The following LSR variants were observed in gnomAD, a reference collection of about 807,000 sequenced individuals.
LSR encodes lipolysis-stimulated lipoprotein receptor.
LSR carries 44 observed loss-of-function variants against 61.8 expected under a neutral mutation model. That is an observed-to-expected ratio of 0.71 (90% CI 0.56 to 0.91). The LOEUF (loss-of-function observed/expected upper bound fraction) is 0.91. Ranked by LOEUF, LSR falls within the 40% of genes least tolerant of loss-of-function variation. The pLI, the probability that LSR is intolerant of heterozygous loss-of-function variation, is 0.00. For missense variants in LSR, 911 were observed against 830.5 expected (o/e 1.10, Z -1.19); for synonymous variants, 397 against 350.6 (o/e 1.13, Z -1.48).
At chr19:35,261,654 A>T (rs1264847046) in intron 3 of LSR, among the ~76,000 whole-genome samples, 1 of 152,212 alleles carries the variant, frequency 6.6e-6, no homozygotes, top group Non-Finnish European at 1.5e-5. Flanking sequence ...AGGGTGCCCA[A>T]GCTGAGGTAG....
At chr19:35,249,338 G>T in intron 1 of LSR, 1 of 584,644 alleles carries the variant, frequency 1.7e-6, no homozygotes, top group South Asian at 2.5e-5. Flanking sequence ...CCCTTATCTG[G>T]AAGATAGCAG....
chr19:35,249,702 T>C (rs1235871343), intron 1 of LSR, among the ~76,000 whole-genome samples: 2 of 152,142 alleles, frequency 1.3e-5, no homozygotes, highest in Non-Finnish European at 2.9e-5. Context: ...GCTGGCAGGC[T>C]TTCACCTGGA....
intron 2 of LSR, among the ~76,000 whole-genome samples, chr19:35,256,634 G>A (rs1421388584): frequency 6.6e-6 from 1 of 152,178 alleles, no homozygotes; most frequent in African/African-American, 2.4e-5. Flanking sequence ...AACTGTTGCT[G>A]TGGTATCCCA....
chr19:35,263,357 CA>C (rs919784131), intron 5 of LSR, among the ~76,000 whole-genome samples: 4 of 151,708 alleles, frequency 2.6e-5, no homozygotes, highest in Non-Finnish European at 4.4e-5. Flanking sequence ...ATGATTTAAG[CA>C]AAAAAAATTT....
At chr19:35,265,502 T>C (rs1280432052) in intron 5 of LSR, among the ~76,000 whole-genome samples, 7 of 152,220 alleles carry the variant, frequency 4.6e-5, no homozygotes, top group African/African-American at 1.7e-4. Flanking sequence ...GTGCACTTAG[T>C]CTTCTGCTTC....
intron 2 of LSR, among the ~76,000 whole-genome samples, chr19:35,255,298 C>T (rs1053123743): frequency 1.3e-5 from 2 of 152,118 alleles, no homozygotes; most frequent in African/African-American, 2.4e-5. Context: ...CCAGCCTGGG[C>T]GACCAAGCTA....
At position 35,262,580 on chromosome 19, in the gene LSR, C is replaced by T. The variant is rs770221040; in HGVS notation, c.666C>T (p.Ala222=). 2.5e-6 allele frequency: 4 copies of T among 1,614,242 alleles called. No homozygotes were observed. Among genetic ancestry groups the T allele is most frequent in the Non-Finnish European group, 8.5e-7 (1 of 1,180,038 alleles). The stretch of plus-strand genomic sequence containing the variant: ...TCGTGGTTGTGGTATGCCTGGCTGC[C>T]TTCCTCATCTTCCTCCTCCTGGGCA... ...WLFVVVVCLA[A]FLIFLLLGIC... Residue 222 remains alanine (A), a synonymous_variant, in exon 5 of 10, where the codon GCC becomes GCT. Coordinates refer to ENST00000605618, the MANE Select transcript of LSR (RefSeq NM_205834.4).
intron 5 of LSR, 193 bp downstream of exon 5, chr19:35,262,885 T>C: frequency 1.6e-6 from 1 of 617,578 alleles, no homozygotes; most frequent in East Asian, 2.8e-5. Flanking sequence ...TAGTTTATTT[T>C]TATTTATGTT....
intron 2 of LSR, chr19:35,251,715 C>T (rs1056220985): frequency 2.0e-5 from 3 of 152,186 alleles, no homozygotes; most frequent in Admixed American, 6.5e-5. Context: ...CACATATTCT[C>T]CCATTGAGTC....
At chr19:35,260,333 C>G (rs2065911291) in intron 3 of LSR, among the ~76,000 whole-genome samples, 1 of 145,136 alleles carries the variant, frequency 6.9e-6, no homozygotes. Flanking sequence ...GTTCTGTCGC[C>G]CAGGCTGGAG....
At position 35,249,229 on chromosome 19, in the gene LSR, C is replaced by T. The variant is rs1009097422; in HGVS notation, c.109+98C>T. 2.8e-6 allele frequency: 4 copies of T among 1,424,152 alleles called. No individual in the cohort carries two copies. In the African/African-American group the frequency reaches 5.9e-5, roughly 21 times the overall value. The allele number at this position is 1,424,152 out of a possible 1,614,324, so 88.2% of individuals were successfully genotyped here. Reference sequence around the variant, plus strand: ...GCGGCGGGAAGCGGGAAGCGGGGGTCTCAGAGGCTGGGACCTTCCGATCCC... The same window carrying T: ...GCGGCGGGAAGCGGGAAGCGGGGGTTTCAGAGGCTGGGACCTTCCGATCCC... On this transcript the variant is annotated intron_variant, in intron 1 of 9. Transcript: ENST00000605618.
intron 4 of LSR, 137 bp from the exon 5 acceptor site, chr19:35,262,409 C>T: frequency 1.0e-6 from 1 of 988,024 alleles, no homozygotes; most frequent in Non-Finnish European, 1.5e-6. Context: ...AAAATCCAGC[C>T]AGGGCTGCAG....
intron 1 of LSR, among the ~76,000 whole-genome samples, chr19:35,250,099 G>C (rs886613486): frequency 6.6e-6 from 1 of 152,092 alleles, no homozygotes; most frequent in Non-Finnish European, 1.5e-5. Flanking sequence ...GAAACTGGCC[G>C]TGTCACCGTG....
chr19:35,267,027 T>C (rs2066013874), intron 8 of LSR, 60 bp downstream of exon 8: 1 of 1,567,328 alleles, frequency 6.4e-7, no homozygotes, highest in Non-Finnish European at 8.6e-7. Context: ...CATGTCTCCC[T>C]GATACCTGCC....
intron 2 of LSR, 133 bp downstream of exon 2, chr19:35,250,792 A>ATTT: frequency 3.5e-6 from 2 of 564,836 alleles, no homozygotes; most frequent in Non-Finnish European, 2.9e-6. Flanking sequence ...GAAGGGAGCA[A>ATTT]TTCTTTTTTT....
chr19:35,266,836 A>G lies in LSR; in HGVS notation c.1013A>G (p.Glu338Gly). 1.2e-6 allele frequency: 2 copies of G among 1,607,962 alleles called. No homozygotes were observed. Among genetic ancestry groups the G allele is most frequent in the East Asian group, 2.2e-5 (1 of 44,634 alleles). ...CCGACCACCACCCCCCTGTCCCTAG[A>G]AGTCCGCAGTGGCTACAGGATTCAG... is the stretch of plus-strand genomic sequence containing the variant. ...LRDTDSSVAS[E>G]VRSGYRIQAS... is the part of the protein sequence containing the mutation. Residue 338 changes from glutamate (E) to glycine (G), a missense_variant and splice_region_variant, in exon 8 of 10, where the codon GAA (glutamate) becomes GGA (glycine). Glu to Gly is a moderately conservative substitution (Grantham distance 98). Coordinates refer to ENST00000605618, the MANE Select transcript of LSR (RefSeq NM_205834.4).
At chr19:35,265,512 C>T (rs905328300) in intron 5 of LSR, among the ~76,000 whole-genome samples, 2 of 152,208 alleles carry the variant, frequency 1.3e-5, no homozygotes, top group Non-Finnish European at 2.9e-5. Context: ...TCTTCTGCTT[C>T]CAAACCAAAT....
chr19:35,260,925 T>C (rs2065920194), intron 3 of LSR, among the ~76,000 whole-genome samples: 1 of 152,156 alleles, frequency 6.6e-6, no homozygotes, highest in Admixed American at 6.5e-5. Flanking sequence ...TGGACATTCA[T>C]GGGAGAACAA....
At chr19:35,261,846 C>A in intron 3 of LSR, 79 bp from the exon 4 acceptor site, 3 of 1,036,764 alleles carry the variant, frequency 2.9e-6, no homozygotes, top group South Asian at 2.2e-5. Context: ...ACTTGGCCAG[C>A]CTGGAGCTGG....
Sources: allele counts gnomAD v4.1 joint callset (sites outside exome capture counted in the v4.1 genomes callset), GRCh38; gene constraint gnomAD v4.1.1; transcripts MANE v1.5; gene names NCBI Gene and HGNC (gene_info 2026-07-23, HGNC 2026-07-21).